Variants in DMD observed in about 807,000 individuals in gnomAD.
DMD encodes the protein dystrophin, also known as mutant dystrophin.
In DMD, 63 loss-of-function variants were observed where a neutral mutation model predicts 330.1. The observed-to-expected ratio is 0.19, with a 90% CI of 0.16 to 0.24. DMD has a LOEUF of 0.24. Among genes scored for constraint, DMD ranks in the 10% least tolerant of loss-of-function variants. DMD has a pLI of 1.00. For missense variants in DMD, 3,344 were observed against 2,684.1 expected (o/e 1.25, Z -5.43); for synonymous variants, 1,223 against 959.8 (o/e 1.27, Z -5.07).
chrX:32,710,330 C>T (rs750164516), intron 7 of DMD, among the ~76,000 whole-genome samples: 35 of 110,453 alleles, frequency 3.2e-4, no homozygotes, highest in Non-Finnish European at 6.1e-4. Flanking sequence ...AAGCATAATG[C>T]ACCTCAGCTT....
intron 7 of DMD, among the ~76,000 whole-genome samples, chrX:32,771,889 A>T (rs918911901): frequency 8.9e-6 from 1 of 111,971 alleles, no homozygotes. Flanking sequence ...TACATGTTAA[A>T]TGAAACCATT....
At chrX:33,216,069 C>T (rs1426739690), upstream of DMD, among the ~76,000 whole-genome samples, 5 of 111,738 alleles carry the variant, frequency 4.5e-5, no homozygotes, top group Admixed American at 2.9e-4. Context: ...TGAAAATTGA[C>T]GTTGGTAGTT....
chrX:33,249,654 T>C (rs1603425293), intron 1 of DMD, among the ~76,000 whole-genome samples: 1 of 111,720 alleles, frequency 9.0e-6, no homozygotes, highest in East Asian at 2.8e-4. Context: ...CCTGCAAAAA[T>C]GCAAGGAATT....
At chrX:31,882,074 A>G (rs1386482303) in intron 47 of DMD, among the ~76,000 whole-genome samples, 1 of 112,403 alleles carries the variant, frequency 8.9e-6, no homozygotes, top group Admixed American at 9.5e-5. Context: ...TCAAAATTGC[A>G]GCAACCATTT....
At chrX:32,469,288 G>T (rs1291448221) in intron 22 of DMD, among the ~76,000 whole-genome samples, 1 of 109,723 alleles carries the variant, frequency 9.1e-6, no homozygotes, top group African/African-American at 3.3e-5. Context: ...CTTACAGTAG[G>T]ATCATAACTT....
At chrX:33,263,897 C>T (rs1194110877) in intron 1 of DMD, among the ~76,000 whole-genome samples, 1 of 110,867 alleles carries the variant, frequency 9.0e-6, no homozygotes, top group Non-Finnish European at 1.9e-5. Flanking sequence ...TTATCTAATT[C>T]TCATTTGTTC....
At chrX:31,434,313 T>C (rs1355062626) in intron 60 of DMD, among the ~76,000 whole-genome samples, 2 of 109,131 alleles carry the variant, frequency 1.8e-5, no homozygotes, top group East Asian at 5.8e-4. Flanking sequence ...AATAGAAGAG[T>C]CACTCAGCTT....
chrX:31,930,348 C>G (rs1251736356), intron 46 of DMD, among the ~76,000 whole-genome samples: 1 of 111,109 alleles, frequency 9.0e-6, no homozygotes, highest in Non-Finnish European at 1.9e-5. Context: ...ACAAATCTAG[C>G]AAGCAACAAA....
intron 9 of DMD, among the ~76,000 whole-genome samples, chrX:32,655,477 G>A (rs1309368826): frequency 2.7e-5 from 3 of 112,114 alleles, no homozygotes; most frequent in African/African-American, 9.7e-5. Flanking sequence ...CAGAGTTCTA[G>A]TTTGATTGAA....
intron 51 of DMD, among the ~76,000 whole-genome samples, chrX:31,761,128 G>A (rs1407899489): frequency 1.0e-4 from 11 of 109,584 alleles, no homozygotes; most frequent in African/African-American, 3.6e-4. Context: ...CTCGTGATCC[G>A]CCCGCCTCAT....
intron 2 of DMD, among the ~76,000 whole-genome samples, chrX:32,922,281 A>G (rs1174315551): frequency 9.0e-6 from 1 of 111,409 alleles, no homozygotes; most frequent in African/African-American, 3.3e-5. Flanking sequence ...AATAAAAACA[A>G]TTGTATTCTC....
Position 32,252,744 on chromosome X carries a change from AAATATATATAAATATATAAAT to A in DMD, c.6290+34764_6290+34784del, listed in dbSNP as rs1569553647. On this transcript the variant is annotated intron_variant, in intron 43 of 78. Coordinates refer to ENST00000357033, the MANE Select transcript of DMD (RefSeq NM_004006.3). ...TATATAAATATATAAATATATATAT[AAATATATATAAATATATAAAT>A]ATATATAAATATATATAAATATATA... Among the ~76,000 whole-genome samples the A allele has an allele frequency of 1.3e-3, 58 of 45,783 alleles. 2 individuals are homozygous for A. The highest frequency in any genetic ancestry group is 0.011 in the Admixed American group (22 of 2,009). The allele number at this position is 45,783 out of a possible 115,157, so 39.8% of individuals were successfully genotyped here. A position where few individuals can be genotyped will look rare whatever the true frequency, so the allele number is the denominator to read the frequency against.
chrX:31,937,032 T>C (rs1210438826), intron 45 of DMD, among the ~76,000 whole-genome samples: 1 of 111,483 alleles, frequency 9.0e-6, no homozygotes, highest in East Asian at 2.8e-4. Context: ...TCTCCCACTT[T>C]AGTTATTCTA....
intron 2 of DMD, among the ~76,000 whole-genome samples, chrX:32,923,814 T>A (rs2088695552): frequency 9.0e-6 from 1 of 111,584 alleles, no homozygotes; most frequent in Non-Finnish European, 1.9e-5. Context: ...ATAAATGAGG[T>A]AACGTCTCAT....
intron 1 of DMD, among the ~76,000 whole-genome samples, chrX:33,126,363 T>G (rs747157711): frequency 2.7e-5 from 3 of 111,773 alleles, no homozygotes; most frequent in Non-Finnish European, 5.6e-5. Context: ...TCATTTTCTG[T>G]TCTTAGTAAT....
intron 44 of DMD, among the ~76,000 whole-genome samples, chrX:32,180,174 C>A (rs2096922344): frequency 8.9e-6 from 1 of 111,756 alleles, no homozygotes; most frequent in African/African-American, 3.3e-5. Flanking sequence ...TTGTAACTTG[C>A]TGGTATAAGA....
At chrX:31,182,946 A>G (rs1434811296) in intron 67 of DMD, 42 bp from the exon 68 acceptor site, 1 of 1,125,876 alleles carries the variant, frequency 8.9e-7, no homozygotes, top group Non-Finnish European at 1.2e-6. Context: ...CAAAAGGATG[A>G]AAGGAAAGAA....
chrX:32,217,132 G>A (rs770354464), intron 43 of DMD, 69 bp from the exon 44 acceptor site: 194 of 1,093,753 alleles, frequency 1.8e-4, no homozygotes, highest in East Asian at 4.1e-4. Context: ...GAGATATAGC[G>A]TATATTTTTT....
intron 60 of DMD, among the ~76,000 whole-genome samples, chrX:31,419,594 A>T (rs1318515764): frequency 1.8e-5 from 2 of 111,668 alleles, no homozygotes; most frequent in African/African-American, 6.5e-5. Context: ...CCATCTCTAG[A>T]TCTGTATTCT....
Sources: gnomAD v4.1 joint callset for allele counts (sites outside exome capture counted in the v4.1 genomes callset) on GRCh38, gnomAD v4.1.1 for gene constraint, MANE v1.5 for transcripts, NCBI Gene and HGNC (gene_info 2026-07-23, HGNC 2026-07-21) for gene names.